RBFOX1: variants seen among roughly 807,000 people sequenced by gnomAD.
RBFOX1 encodes the protein RNA binding protein fox-1 homolog 1.
In RBFOX1, 8 loss-of-function variants were observed where a neutral mutation model predicts 57.7. The ratio of observed to expected loss-of-function variants is 0.14; its 90% CI spans 0.08 to 0.25. The LOEUF is 0.25. Among genes scored for constraint, RBFOX1 ranks in the 10% least tolerant of loss-of-function variants. RBFOX1 has a pLI of 1.00. For missense variants in RBFOX1, 611 were observed against 548.5 expected, an observed-to-expected ratio of 1.11 and a Z score of -1.14; for synonymous variants, 326 against 222.4, an observed-to-expected ratio of 1.47 and a Z score of -4.15.
At chr16:5,697,959 G>C (rs2050901715) in intron 3 of RBFOX1, among the ~76,000 whole-genome samples, 2 of 152,176 alleles carry the variant, frequency 1.3e-5, no homozygotes, top group Admixed American at 6.5e-5. Context: ...TAGGTATTAA[G>C]TTTTATGAAA....
chr16:7,600,871 A>G (rs1433440597), intron 9 of RBFOX1, among the ~76,000 whole-genome samples: 2 of 152,226 alleles, frequency 1.3e-5, no homozygotes, highest in Non-Finnish European at 2.9e-5. Flanking sequence ...ACAATGACAT[A>G]ATGAAAAGCT....
Position 6,660,375 on chromosome 16 carries a change from C to T in RBFOX1, c.-16+5725C>T, listed in dbSNP as rs375045426. Among the ~76,000 whole-genome samples the T allele has an allele frequency of 1.5e-4, 23 of 152,186 alleles. No individual in the cohort carries two copies. In the South Asian group the frequency reaches 2.1e-3, roughly 14 times the overall value. On this transcript the variant is annotated intron_variant, in intron 3 of 15. Coordinates refer to ENST00000550418, the MANE Select transcript of RBFOX1 (RefSeq NM_018723.4). ...ACTTATATAACAAACCTGCACATCC[C>T]GCACATGTACCCCAGAACTAAAAAT...
rs531417315 is a variant in RBFOX1 at position 6,020,187 on chromosome 16, C to T, written c.-127+195C>T. Reference sequence around the variant, plus strand: ...GTGTCCCCCCCTACCCCCAGGAGGCCGAGACCCTGAGCCCCCTTGTGCGTC... The same window carrying T: ...GTGTCCCCCCCTACCCCCAGGAGGCTGAGACCCTGAGCCCCCTTGTGCGTC... On this transcript the variant is annotated intron_variant, in intron 1 of 15. Coordinates refer to ENST00000550418, the MANE Select transcript of RBFOX1 (RefSeq NM_018723.4). 2.6e-5 allele frequency among the ~76,000 whole-genome samples: 4 copies of T among 152,134 alleles called. No individual in the cohort carries two copies. In the East Asian group the frequency reaches 5.8e-4, roughly 22 times the overall value.
At chr16:5,514,709 A>C (rs964401418) in intron 2 of RBFOX1, among the ~76,000 whole-genome samples, 3 of 152,074 alleles carry the variant, frequency 2.0e-5, no homozygotes, top group Non-Finnish European at 4.4e-5. Context: ...CAAAAGATGA[A>C]GAAAGAGGAG....
intron 1 of RBFOX1, among the ~76,000 whole-genome samples, chr16:6,243,807 A>C (rs959421326): frequency 6.6e-6 from 1 of 152,168 alleles, no homozygotes; most frequent in Admixed American, 6.5e-5. Flanking sequence ...TAGAGTCGTC[A>C]TGGCTCCAGT....
chr16:6,913,522 T>C (rs1177395206), intron 3 of RBFOX1, among the ~76,000 whole-genome samples: 1 of 152,166 alleles, frequency 6.6e-6, no homozygotes, highest in Admixed American at 6.5e-5. Context: ...CAGTGCCCGA[T>C]GCCCAGCACT....
At chr16:6,574,335 C>G (rs866436071) in intron 2 of RBFOX1, among the ~76,000 whole-genome samples, 2 of 151,734 alleles carry the variant, frequency 1.3e-5, no homozygotes, top group South Asian at 2.1e-4. Flanking sequence ...TAGGAGTTCT[C>G]TGCCTGTGCG....
At chr16:6,965,798 C>T (rs914940508) in intron 3 of RBFOX1, among the ~76,000 whole-genome samples, 1 of 152,162 alleles carries the variant, frequency 6.6e-6, no homozygotes, top group Non-Finnish European at 1.5e-5. Flanking sequence ...AGGTCCTGTT[C>T]ATTAGTCAGT....
At chr16:6,525,347 G>C (rs1468233166) in intron 2 of RBFOX1, among the ~76,000 whole-genome samples, 1 of 152,252 alleles carries the variant, frequency 6.6e-6, no homozygotes, top group Non-Finnish European at 1.5e-5. Context: ...ATTTGGGCTG[G>C]TGTAGTTGAG....
intron 3 of RBFOX1, among the ~76,000 whole-genome samples, chr16:7,050,272 T>C (rs2049564152): frequency 1.3e-5 from 2 of 151,064 alleles, no homozygotes; most frequent in Admixed American, 6.6e-5. Flanking sequence ...ATCTTTTTTT[T>C]TTTTTCTTTT....
chr16:6,080,857 G>A (rs1014114431), intron 1 of RBFOX1, among the ~76,000 whole-genome samples: 1 of 152,172 alleles, frequency 6.6e-6, no homozygotes, highest in Non-Finnish European at 1.5e-5. Flanking sequence ...TGAAAAAGCT[G>A]CTTGTTTTCC....
At chr16:6,446,565 C>G (rs2094490275) in intron 2 of RBFOX1, among the ~76,000 whole-genome samples, 1 of 152,028 alleles carries the variant, frequency 6.6e-6, no homozygotes, top group South Asian at 2.1e-4. Context: ...ATGTGGGACC[C>G]TAGGGGGCAG....
At chr16:6,940,950 A>T (rs1438082946) in intron 3 of RBFOX1, among the ~76,000 whole-genome samples, 1 of 151,608 alleles carries the variant, frequency 6.6e-6, no homozygotes, top group African/African-American at 2.4e-5. Flanking sequence ...CTCGTGATCC[A>T]TCCGTCTTGG....
At chr16:6,335,720 G>A (rs1484917912) in intron 2 of RBFOX1, among the ~76,000 whole-genome samples, 7 of 142,876 alleles carry the variant, frequency 4.9e-5, no homozygotes, top group Non-Finnish European at 4.5e-5. Flanking sequence ...GGAGATTGCA[G>A]TAAGCTGAGA....
intron 2 of RBFOX1, among the ~76,000 whole-genome samples, chr16:6,595,513 A>G (rs1413723758): frequency 1.3e-5 from 2 of 152,184 alleles, no homozygotes; most frequent in African/African-American, 2.4e-5. Flanking sequence ...CAATGCTTCT[A>G]TGAACATTGA....
At chr16:5,813,416 T>C (rs2055507063) in intron 3 of RBFOX1, among the ~76,000 whole-genome samples, 1 of 152,198 alleles carries the variant, frequency 6.6e-6, no homozygotes, top group Admixed American at 6.5e-5. Context: ...CGGCCCTCAG[T>C]AACCACTAAT....
At chr16:6,898,209 T>A (rs1011375797) in intron 3 of RBFOX1, among the ~76,000 whole-genome samples, 11 of 152,162 alleles carry the variant, frequency 7.2e-5, no homozygotes, top group Non-Finnish European at 1.5e-4. Flanking sequence ...TTGTGGAGTT[T>A]GCACCCATGG....
At chr16:7,293,722 A>T (rs1329273062) in intron 4 of RBFOX1, among the ~76,000 whole-genome samples, 1 of 152,136 alleles carries the variant, frequency 6.6e-6, no homozygotes, top group Non-Finnish European at 1.5e-5. Flanking sequence ...TTTCTACCCA[A>T]TACCCGATAC....
intron 4 of RBFOX1, among the ~76,000 whole-genome samples, chr16:7,367,040 C>A (rs992031042): frequency 6.6e-6 from 1 of 151,836 alleles, no homozygotes; most frequent in Non-Finnish European, 1.5e-5. Flanking sequence ...GCTTGATTCC[C>A]TCCCCCAAAC....
Sources: allele counts gnomAD v4.1 joint callset (sites outside exome capture counted in the v4.1 genomes callset), GRCh38; gene constraint gnomAD v4.1.1; transcripts MANE v1.5; gene names NCBI Gene and HGNC (gene_info 2026-07-23, HGNC 2026-07-21).